The following RANBP3 variants were observed in gnomAD, a reference collection of about 807,000 sequenced individuals.
The protein encoded by RANBP3 is RAN binding protein 3.
In RANBP3, 14 loss-of-function variants were observed where a neutral mutation model predicts 77.3. The ratio of observed to expected loss-of-function variants is 0.18; its 90% CI spans 0.12 to 0.28. RANBP3 has a LOEUF of 0.28. Ranked by LOEUF, RANBP3 falls within the 10% of genes least tolerant of loss-of-function variation. The pLI is 1.00. For synonymous variants in RANBP3, 315 were observed against 312.4 expected (o/e 1.01, Z -0.09); for missense variants, 586 against 752.3 (o/e 0.78, Z 2.59).
intron 5 of RANBP3, among the ~76,000 whole-genome samples, chr19:5,939,724 CAG>C (rs1470077595): frequency 1.3e-5 from 2 of 151,062 alleles, no homozygotes; most frequent in Non-Finnish European, 2.9e-5. Flanking sequence ...AGCACGCAAA[CAG>C]GGCATTCAGT....
At position 5,958,043 on chromosome 19, in the gene RANBP3, T is replaced by C. The variant is rs768963631; in HGVS notation, c.23-70A>G. 60 of 1,341,082 alleles carry C rather than the reference T, an allele frequency of 4.5e-5. No individual in the cohort carries two copies. Among genetic ancestry groups the C allele is most frequent in the Non-Finnish European group, 5.8e-5 (54 of 936,034 alleles). The allele number at this position is 1,341,082 out of a possible 1,614,324, so 83.1% of individuals were successfully genotyped here. A position where few individuals can be genotyped will look rare whatever the true frequency, so the allele number is the denominator to read the frequency against. The stretch of plus-strand genomic sequence containing the variant: ...ATACAGTAAACAAAGCTACACTTGT[T>C]TGTAATATGTTAAACATATATATAA... On this transcript the variant is annotated intron_variant, in intron 1 of 16. Coordinates refer to ENST00000340578, the MANE Select transcript of RANBP3 (RefSeq NM_007322.3). The surrounding 1 kb of genome is among the most constrained non-coding windows in gnomAD (Gnocchi z 4.4).
At chr19:5,969,389 G>C (rs996091319) in intron 1 of RANBP3, among the ~76,000 whole-genome samples, 8 of 152,164 alleles carry the variant, frequency 5.3e-5, no homozygotes, top group Admixed American at 1.3e-4. Flanking sequence ...ATTAATTCTG[G>C]GTAAATAAGT....
At chr19:5,925,062 A>T (rs914711406) in intron 10 of RANBP3, 157 bp from the exon 11 acceptor site, 2 of 715,902 alleles carry the variant, frequency 2.8e-6, no homozygotes, top group East Asian at 5.0e-5. Context: ...GAAGCCACAC[A>T]CCTCCCTGTG....
At chr19:5,964,868 A>C (rs1568479475) in intron 1 of RANBP3, among the ~76,000 whole-genome samples, 61 of 35,446 alleles carry the variant, frequency 1.7e-3, no homozygotes, top group East Asian at 6.2e-3. Flanking sequence ...GGGGGGTGGC[A>C]CGGTGGGGGG....
In RANBP3 at chr19:5,972,393, T is replaced by G. The variant is rs139176802; in HGVS notation, c.22+5668A>C. Among the ~76,000 whole-genome samples the G allele has an allele frequency of 1.1e-4, 16 of 152,298 alleles. No homozygotes were observed. The East Asian group carries it at 3.1e-3, about 29-fold the overall frequency. On this transcript the variant is annotated intron_variant, in intron 1 of 16. Transcript: ENST00000340578. ...TGTGGAAGGTGGTGGTGAGGAGCTTTACCCTGATGTCCCAGGCCACGTTAT... is the reference window on the plus strand; with the variant it reads ...TGTGGAAGGTGGTGGTGAGGAGCTTGACCCTGATGTCCCAGGCCACGTTAT...
At chr19:5,973,445 T>C (rs1187383275) in intron 1 of RANBP3, among the ~76,000 whole-genome samples, 3 of 152,122 alleles carry the variant, frequency 2.0e-5, no homozygotes, top group African/African-American at 4.8e-5. Context: ...GATGTGCTAT[T>C]AGCATTTAGT....
intron 1 of RANBP3, among the ~76,000 whole-genome samples, chr19:5,974,901 GAC>G (rs2058572163): frequency 6.6e-6 from 1 of 152,224 alleles, no homozygotes; most frequent in African/African-American, 2.4e-5. Flanking sequence ...TGCTCAGCCT[GAC>G]ACAGAGGTGG....
chr19:5,925,090 C>T (rs2057885011), intron 10 of RANBP3, 185 bp from the exon 11 acceptor site: 1 of 622,134 alleles, frequency 1.6e-6, no homozygotes, highest in Middle Eastern at 4.3e-4. Flanking sequence ...AAACATTAAC[C>T]CTTAGCTCGC....
intron 1 of RANBP3, 113 bp downstream of exon 1, chr19:5,977,948 G>A: frequency 1.4e-6 from 2 of 1,382,240 alleles, no homozygotes; most frequent in Non-Finnish European, 1.9e-6. Flanking sequence ...CGCTAGCCTG[G>A]AGCGGACGAA....
chr19:5,956,984 T>C (rs964603766), intron 2 of RANBP3, among the ~76,000 whole-genome samples: 1 of 152,006 alleles, frequency 6.6e-6, no homozygotes, highest in East Asian at 1.9e-4. Context: ...GTGCCGCCGC[T>C]GGGCATCAGT....
In RANBP3 at chr19:5,924,881, G is replaced by A. The variant is rs568912710; in HGVS notation, c.942C>T (p.Ala314=). 5.3e-5 allele frequency: 85 copies of A among 1,613,992 alleles called. No individual in the cohort carries two copies. In the East Asian group the frequency reaches 8.9e-4, roughly 17 times the overall value. Residue 314 remains alanine, a synonymous_variant, in exon 11 of 17, where the codon GCC becomes GCT. Transcript: ENST00000340578. The surrounding 1 kb of genome is among the most constrained non-coding windows in gnomAD (Gnocchi z 4.7). ...ATACAAATTTGTTGCTGGAGGCGTC[G>A]GCACTATTGGTTGAGTTCTCTAAAC... ...SSSLENSTNS[A]DASSNKFVFG...
chr19:5,964,697 A>C (rs963316631), intron 1 of RANBP3, among the ~76,000 whole-genome samples: 2 of 152,082 alleles, frequency 1.3e-5, no homozygotes, highest in African/African-American at 2.4e-5. Flanking sequence ...ATGACCGGGA[A>C]GCACACGGCA....
At chr19:5,962,772 C>A (rs1358881629) in intron 1 of RANBP3, 5 of 455,914 alleles carry the variant, frequency 1.1e-5, no homozygotes, top group Non-Finnish European at 1.8e-5. Context: ...GGTTGATCAA[C>A]TGCAAATCAG....
chr19:5,917,716 C>A (rs565286018), intron 16 of RANBP3, 63 bp from the exon 17 acceptor site: 2 of 1,588,436 alleles, frequency 1.3e-6, no homozygotes, highest in African/African-American at 1.3e-5. Flanking sequence ...TGGCCACCCC[C>A]GCCAGGAGAT....
intron 3 of RANBP3, among the ~76,000 whole-genome samples, chr19:5,943,920 A>G (rs1023977138): frequency 6.6e-6 from 1 of 152,236 alleles, no homozygotes; most frequent in Admixed American, 6.5e-5. Flanking sequence ...CGGCCAGGCC[A>G]AAAGCACGAG....
At chr19:5,951,736 G>A (rs1241082973) in intron 2 of RANBP3, 140 bp from the exon 3 acceptor site, 8 of 765,568 alleles carry the variant, frequency 1.0e-5, no homozygotes, top group East Asian at 8.0e-5. Flanking sequence ...GGGAGAGCAG[G>A]CACCTGCTTC....
chr19:5,945,539 A>G (rs910177665), intron 3 of RANBP3, among the ~76,000 whole-genome samples: 1 of 152,022 alleles, frequency 6.6e-6, no homozygotes, highest in African/African-American at 2.4e-5. Context: ...GGGGTGACCT[A>G]TATGTCTGTT....
In RANBP3 at chr19:5,924,962, A is replaced by C; in HGVS notation, c.918-57T>G. 6.8e-7 allele frequency: 1 copy of C among 1,469,406 alleles called. No homozygotes were observed. Among genetic ancestry groups the C allele is most frequent in the Non-Finnish European group, 9.5e-7 (1 of 1,048,620 alleles). 91.0% of individuals were successfully genotyped at this position (1,469,406 alleles called of 1,614,324 possible). A position where few individuals can be genotyped will look rare whatever the true frequency, so the allele number is the denominator to read the frequency against. On this transcript the variant is annotated intron_variant, in intron 10 of 16. Coordinates refer to ENST00000340578, the MANE Select transcript of RANBP3 (RefSeq NM_007322.3). The surrounding 1 kb of genome is among the most constrained non-coding windows in gnomAD (Gnocchi z 4.7). ...GTCACGTGGGAACGTGGCCAGGCAA[A>C]TGTATGGGTACCCATGGAGCACACA...
At chr19:5,972,817 A>G (rs2058546017) in intron 1 of RANBP3, among the ~76,000 whole-genome samples, 1 of 151,988 alleles carries the variant, frequency 6.6e-6, no homozygotes, top group African/African-American at 2.4e-5. Flanking sequence ...GCTTCTGCTC[A>G]CTCTGACCAC....
Sources: gnomAD v4.1 joint callset for allele counts (sites outside exome capture counted in the v4.1 genomes callset) on GRCh38, gnomAD v4.1.1 for gene constraint, Gnocchi (gnomAD v3.1) non-coding constraint, MANE v1.5 for transcripts, NCBI Gene and HGNC (gene_info 2026-07-23, HGNC 2026-07-21) for gene names.